CACNA2D1: variants seen among roughly 807,000 people sequenced by gnomAD.
The protein encoded by CACNA2D1 is calcium voltage-gated channel auxiliary subunit alpha2delta 1, also known as voltage-dependent calcium channel subunit alpha-2/delta-1.
A neutral mutation model predicts 171.5 loss-of-function variants in CACNA2D1; 53 were observed. That is an observed-to-expected ratio of 0.31 (90% confidence interval 0.25 to 0.39). The LOEUF is 0.39. Among genes scored for constraint, CACNA2D1 ranks in the 10% least tolerant of loss-of-function variants. The pLI is 1.00. For synonymous variants in CACNA2D1, 442 were observed against 443.1 expected, an observed-to-expected ratio of 1.00 and a Z score of 0.03; for missense variants, 903 against 1,299.8, an observed-to-expected ratio of 0.69 and a Z score of 4.69.
chr7:82,386,407 T>A (rs1195058905), intron 1 of CACNA2D1, among the ~76,000 whole-genome samples: 1 of 152,156 alleles, frequency 6.6e-6, no homozygotes, highest in Non-Finnish European at 1.5e-5. Flanking sequence ...AAATTACATT[T>A]TAATATACTT....
intron 3 of CACNA2D1, among the ~76,000 whole-genome samples, chr7:82,289,364 G>T (rs746196740): frequency 5.3e-5 from 8 of 152,102 alleles, no homozygotes; most frequent in Non-Finnish European, 7.4e-5. Context: ...TCTGCTCTCA[G>T]ATATGCCAAT....
In CACNA2D1 at chr7:82,334,369, T is replaced by C. The variant is rs564586637; in HGVS notation, c.294+766A>G. Among the ~76,000 whole-genome samples, 12 of 152,314 alleles carry C rather than the reference T, an allele frequency of 7.9e-5. No individual in the cohort carries two copies. In the South Asian group the frequency reaches 2.5e-3, roughly 32 times the overall value. On this transcript the variant is annotated intron_variant, in intron 3 of 38. Transcript: ENST00000356860. ...TTCTTACACATAAGTACTAGGAGAC[T>C]TGTTCAAGAAAATTCAGCAGCACTA...
At chr7:82,072,740 C>A (rs980169381) in intron 7 of CACNA2D1, among the ~76,000 whole-genome samples, 2 of 151,876 alleles carry the variant, frequency 1.3e-5, no homozygotes, top group African/African-American at 2.4e-5. Flanking sequence ...ATTTGGGAAC[C>A]AGCCTACCTG....
At chr7:82,083,507 A>T (rs889601537) in intron 7 of CACNA2D1, among the ~76,000 whole-genome samples, 1 of 151,984 alleles carries the variant, frequency 6.6e-6, no homozygotes, top group African/African-American at 2.4e-5. Context: ...AACTAACAAG[A>T]TTATGTTTAG....
chr7:82,176,676 C>T (rs1194186362), intron 3 of CACNA2D1, among the ~76,000 whole-genome samples: 1 of 151,094 alleles, frequency 6.6e-6, no homozygotes, highest in Non-Finnish European at 1.5e-5. Flanking sequence ...AGATAAATAC[C>T]CTGACTAGGG....
intron 38 of CACNA2D1, among the ~76,000 whole-genome samples, chr7:81,956,508 A>G (rs906875920): frequency 6.6e-6 from 1 of 152,090 alleles, no homozygotes; most frequent in Non-Finnish European, 1.5e-5. Context: ...GGAATTAATA[A>G]TAATTCAAAT....
At chr7:82,103,763 C>T (rs1288222304) in intron 6 of CACNA2D1, among the ~76,000 whole-genome samples, 2 of 151,984 alleles carry the variant, frequency 1.3e-5, no homozygotes, top group Non-Finnish European at 2.9e-5. Flanking sequence ...ATATTTAATG[C>T]TCTATGAGTA....
At chr7:82,003,612 G>GAT (rs969213412) in intron 18 of CACNA2D1, among the ~76,000 whole-genome samples, 49 of 149,204 alleles carry the variant, frequency 3.3e-4, no homozygotes, top group Middle Eastern at 3.7e-3. Context: ...TAGATATATA[G>GAT]ATATATATAT....
chr7:82,002,114 T>C lies in CACNA2D1; in HGVS notation c.1590+3309A>G, dbSNP rs187823256. On this transcript the variant is annotated intron_variant, in intron 18 of 38. Transcript: ENST00000356860. Reference sequence around the variant, plus strand: ...CAAATATAAATATTTTTAATGTCCATCCCTCAATTCATATGTTGAAATCCT... The same window carrying C: ...CAAATATAAATATTTTTAATGTCCACCCCTCAATTCATATGTTGAAATCCT... Among the ~76,000 whole-genome samples the C allele has an allele frequency of 1.1e-3, 158 of 147,974 alleles. 2 individuals carry two copies. In the Middle Eastern group the frequency reaches 0.018, roughly 16 times the overall value.
intron 36 of CACNA2D1, among the ~76,000 whole-genome samples, chr7:81,960,823 T>A (rs188980505): frequency 2.6e-4 from 40 of 152,160 alleles, no homozygotes; most frequent in Admixed American, 2.3e-3. Flanking sequence ...CAATCCCATT[T>A]CCTGAAGTCC....
intron 3 of CACNA2D1, among the ~76,000 whole-genome samples, chr7:82,300,216 G>C (rs1170374072): frequency 6.6e-6 from 1 of 151,818 alleles, no homozygotes; most frequent in African/African-American, 2.4e-5. Flanking sequence ...TAAGTAAAGG[G>C]AACAGAATGT....
chr7:82,249,274 G>A (rs893449524), intron 3 of CACNA2D1, among the ~76,000 whole-genome samples: 1 of 152,096 alleles, frequency 6.6e-6, no homozygotes, highest in African/African-American at 2.4e-5. Flanking sequence ...TGAGTCTTAA[G>A]GAATAAATGT....
At chr7:82,094,589 TCAG>T (rs1487216500) in intron 6 of CACNA2D1, among the ~76,000 whole-genome samples, 4 of 152,230 alleles carry the variant, frequency 2.6e-5, no homozygotes, top group Admixed American at 2.6e-4. Context: ...CGTGTATTAC[TCAG>T]CAGATCTTAA....
At chr7:82,375,172 TC>T (rs993036266) in intron 1 of CACNA2D1, among the ~76,000 whole-genome samples, 3 of 152,050 alleles carry the variant, frequency 2.0e-5, no homozygotes, top group African/African-American at 7.2e-5. Flanking sequence ...AAACAGAATG[TC>T]CCACCCTCAC....
Position 82,313,955 on chromosome 7 carries a change from G to T in CACNA2D1, c.294+21180C>A, listed in dbSNP as rs189690065. Among the ~76,000 whole-genome samples, 571 of 152,090 alleles carry T rather than the reference G, an allele frequency of 3.8e-3. 3 individuals carry two copies. Among genetic ancestry groups the T allele is most frequent in the Non-Finnish European group, 3.5e-3 (236 of 67,978 alleles). On this transcript the variant is annotated intron_variant, in intron 3 of 38. Coordinates refer to ENST00000356860, the MANE Select transcript of CACNA2D1 (RefSeq NM_000722.4). ...AAATCATATTGCATATCATGTCAAT[G>T]ATTTAGATCAATCTTTTTTTAATGC...
chr7:81,961,346 TA>T (rs1287407732), intron 36 of CACNA2D1, among the ~76,000 whole-genome samples: 1 of 151,882 alleles, frequency 6.6e-6, no homozygotes, highest in East Asian at 1.9e-4. Flanking sequence ...AACCATGACC[TA>T]AAAAAACTGT....
chr7:81,992,898 T>C (rs570627910), intron 20 of CACNA2D1, among the ~76,000 whole-genome samples: 1 of 152,314 alleles, frequency 6.6e-6, no homozygotes, highest in Admixed American at 6.5e-5. Flanking sequence ...ATTCTAGTTT[T>C]AGCCCAAGCA....
intron 5 of CACNA2D1, among the ~76,000 whole-genome samples, chr7:82,120,590 GT>G (rs34908310): frequency 0.17 from 25,842 of 152,018 alleles, 2,533 homozygotes; most frequent in East Asian, 0.34. Context: ...AAAAAGTAAA[GT>G]TTAGGCCAGG....
At chr7:82,136,581 C>T in intron 5 of CACNA2D1, 54 bp downstream of exon 5, 3 of 1,353,634 alleles carry the variant, frequency 2.2e-6, no homozygotes, top group Non-Finnish European at 3.1e-6. Flanking sequence ...TATATAAGGC[C>T]AATCATTTTA....
Sources: gnomAD v4.1 joint callset for allele counts (sites outside exome capture counted in the v4.1 genomes callset) on GRCh38, gnomAD v4.1.1 for gene constraint, MANE v1.5 for transcripts, NCBI Gene and HGNC (gene_info 2026-07-23, HGNC 2026-07-21) for gene names.